Variants in MAF observed in about 807,000 individuals in gnomAD.
MAF encodes MAF bZIP transcription factor.
MAF carries 10 observed loss-of-function variants against 22.0 expected under a neutral mutation model. That is an observed-to-expected ratio of 0.45 (90% CI 0.28 to 0.77). MAF has a LOEUF of 0.77. Among genes scored for constraint, MAF ranks in the 30% least tolerant of loss-of-function variants. The probability of loss-of-function intolerance (pLI) is 0.12; values close to 1 mark genes in which losing one functional copy is unlikely to be tolerated. For synonymous variants in MAF, 337 were observed against 255.8 expected (o/e 1.32, Z -3.03); for missense variants, 544 against 548.4 (o/e 0.99, Z 0.08).
the MAF span, among the ~76,000 whole-genome samples, chr16:79,421,262 C>T: frequency 6.6e-6 from 1 of 152,212 alleles, no homozygotes. Flanking sequence ...TGGATAAGCG[C>T]TGGCTGCTGT....
At chr16:79,394,495 C>T in the MAF span, among the ~76,000 whole-genome samples, 317 of 152,230 alleles carry the variant, frequency 2.1e-3, 2 homozygotes, top group South Asian at 0.027. Context: ...TACTTGTTTA[C>T]GAATTGTTTT....
At chr16:79,306,085 G>C in the MAF span, among the ~76,000 whole-genome samples, 17 of 152,212 alleles carry the variant, frequency 1.1e-4, no homozygotes, top group South Asian at 8.3e-4. Context: ...TCCAAAGGAG[G>C]CTGGAAAAGG....
At chr16:79,411,676 C>T in the MAF span, among the ~76,000 whole-genome samples, 1 of 152,186 alleles carries the variant, frequency 6.6e-6, no homozygotes, top group Non-Finnish European at 1.5e-5. Context: ...ACTCCAACTA[C>T]TATCTTTATT....
the MAF span, among the ~76,000 whole-genome samples, chr16:79,438,055 G>A: frequency 6.6e-6 from 1 of 152,100 alleles, no homozygotes; most frequent in Non-Finnish European, 1.5e-5. Flanking sequence ...TGGAGAGCCT[G>A]TCTCTTAGAG....
the MAF span, among the ~76,000 whole-genome samples, chr16:79,578,911 C>T: frequency 1.3e-5 from 2 of 152,108 alleles, no homozygotes; most frequent in African/African-American, 4.8e-5. Context: ...AAAAATACAG[C>T]AGAGTCCCCC....
chr16:79,280,082 G>A, the MAF span, among the ~76,000 whole-genome samples: 3 of 152,152 alleles, frequency 2.0e-5, no homozygotes, highest in African/African-American at 7.2e-5. Flanking sequence ...GAAACAGGAA[G>A]ACCATCAGCT....
At chr16:79,257,163 C>A in the MAF span, among the ~76,000 whole-genome samples, 1,193 of 151,268 alleles carry the variant, frequency 7.9e-3, 8 homozygotes, top group African/African-American at 0.028. Context: ...GGTGACACAG[C>A]GAAATTCCAC....
At chr16:79,571,246 G>T in the MAF span, among the ~76,000 whole-genome samples, 1 of 152,162 alleles carries the variant, frequency 6.6e-6, no homozygotes, top group Non-Finnish European at 1.5e-5. Context: ...GAGCGGGAGG[G>T]AGGAAGGTCT....
At chr16:79,560,646 T>A in the MAF span, among the ~76,000 whole-genome samples, 2 of 152,132 alleles carry the variant, frequency 1.3e-5, no homozygotes, top group Non-Finnish European at 1.5e-5. Flanking sequence ...ATACTCACTG[T>A]CATGAAAATC....
At chr16:79,272,397 C>T in the MAF span, among the ~76,000 whole-genome samples, 2 of 152,208 alleles carry the variant, frequency 1.3e-5, no homozygotes, top group Non-Finnish European at 2.9e-5. Flanking sequence ...GGGCGGGTCG[C>T]CTGCTCCTGG....
At chr16:79,306,033 T>C in the MAF span, among the ~76,000 whole-genome samples, 2 of 152,204 alleles carry the variant, frequency 1.3e-5, no homozygotes, top group Non-Finnish European at 2.9e-5. Flanking sequence ...GGTTCTTGTA[T>C]CTTATTCAAT....
the MAF span, among the ~76,000 whole-genome samples, chr16:79,251,832 C>G: frequency 2.9e-4 from 44 of 152,140 alleles, no homozygotes; most frequent in Non-Finnish European, 5.3e-4. Context: ...TAGACGTAAT[C>G]TTCATCATGA....
chr16:79,471,694 A>C, the MAF span, among the ~76,000 whole-genome samples: 1 of 152,178 alleles, frequency 6.6e-6, no homozygotes, highest in Non-Finnish European at 1.5e-5. Flanking sequence ...CAAACAAACA[A>C]AAAAACCCAA....
the MAF span, among the ~76,000 whole-genome samples, chr16:79,441,811 A>G: frequency 6.6e-6 from 1 of 152,214 alleles, no homozygotes; most frequent in Non-Finnish European, 1.5e-5. Flanking sequence ...ATGTGGTCTT[A>G]TGTGTAAATA....
chr16:79,546,869 G>A, the MAF span, among the ~76,000 whole-genome samples: 2 of 152,058 alleles, frequency 1.3e-5, no homozygotes, highest in African/African-American at 2.4e-5. Context: ...GGACTTATAT[G>A]ACATGTTTAT....
At chr16:79,261,957 A>C in the MAF span, among the ~76,000 whole-genome samples, 2 of 152,244 alleles carry the variant, frequency 1.3e-5, no homozygotes, top group South Asian at 4.2e-4. Flanking sequence ...GCTCATATGG[A>C]CTTTTCACGA....
chr16:79,515,920 C>G, the MAF span: 3 of 151,602 alleles, frequency 2.0e-5, no homozygotes, highest in Admixed American at 6.6e-5. Flanking sequence ...TCTTGCTAAC[C>G]CACACTGCAC....
At chr16:79,349,832 A>T in the MAF span, among the ~76,000 whole-genome samples, 5 of 152,218 alleles carry the variant, frequency 3.3e-5, no homozygotes, top group African/African-American at 1.2e-4. Context: ...GGCCCTTTGC[A>T]ATCTGCCTTC....
the MAF span, among the ~76,000 whole-genome samples, chr16:79,388,217 A>G: frequency 6.6e-6 from 1 of 150,428 alleles, no homozygotes; most frequent in African/African-American, 2.5e-5. Context: ...GGCTACATCC[A>G]TTTGTCTGGG....
Sources: gnomAD v4.1 joint callset for allele counts (sites outside exome capture counted in the v4.1 genomes callset) on GRCh38, gnomAD v4.1.1 for gene constraint, MANE v1.5 for transcripts, NCBI Gene and HGNC (gene_info 2026-07-23, HGNC 2026-07-21) for gene names.